Variants in LEKR1 observed in about 807,000 individuals in gnomAD.
The protein encoded by LEKR1 is protein LEKR1.
Under a neutral mutation model 72.4 loss-of-function variants are expected in LEKR1, and 59 were observed. That is an observed-to-expected ratio of 0.82 (90% confidence interval 0.66 to 1.01). The LOEUF (loss-of-function observed/expected upper bound fraction) is 1.01, where lower values mean the gene tolerates loss of function less well. Ranked by LOEUF, LEKR1 falls within the 50% of genes least tolerant of loss-of-function variation. The pLI is 0.00. For synonymous variants in LEKR1, 257 were observed against 263.2 expected (o/e 0.98, Z 0.23); for missense variants, 728 against 759.2 (o/e 0.96, Z 0.48).
At chr3:156,960,554 G>A (rs562700392) in intron 6 of LEKR1, among the ~76,000 whole-genome samples, 17 of 152,242 alleles carry the variant, frequency 1.1e-4, no homozygotes, top group Admixed American at 8.5e-4. Flanking sequence ...TCAAAGTACT[G>A]GGATTACAGG....
At chr3:157,028,610 G>C (rs1244133836) in intron 12 of LEKR1, among the ~76,000 whole-genome samples, 1 of 152,054 alleles carries the variant, frequency 6.6e-6, no homozygotes, top group Non-Finnish European at 1.5e-5. Context: ...CTCCAGACCT[G>C]GCTTTCCTGT....
At chr3:156,896,149 C>T (rs1404635491) in intron 3 of LEKR1, among the ~76,000 whole-genome samples, 1 of 152,018 alleles carries the variant, frequency 6.6e-6, no homozygotes, top group African/African-American at 2.4e-5. Context: ...TAAGAGGGAG[C>T]TGAACAATGA....
chr3:156,862,230 C>T (rs915392633), intron 3 of LEKR1, among the ~76,000 whole-genome samples: 5 of 151,894 alleles, frequency 3.3e-5, no homozygotes. Context: ...TTCTTTTTCT[C>T]CCAAAGCTTT....
intron 10 of LEKR1, among the ~76,000 whole-genome samples, chr3:157,016,011 T>C (rs1190801073): frequency 6.6e-6 from 1 of 151,896 alleles, no homozygotes; most frequent in Non-Finnish European, 1.5e-5. Context: ...AGAAAAACTT[T>C]TTAAATAAAA....
intron 6 of LEKR1, among the ~76,000 whole-genome samples, chr3:156,972,648 A>T (rs1019338662): frequency 6.6e-6 from 1 of 151,456 alleles, no homozygotes. Context: ...TAATATATAT[A>T]AGGACAAATA....
intron 3 of LEKR1, among the ~76,000 whole-genome samples, chr3:156,856,595 A>G (rs1716089041): frequency 1.3e-5 from 2 of 152,068 alleles, no homozygotes; most frequent in African/African-American, 2.4e-5. Flanking sequence ...TGGATTCCCC[A>G]TTTATTCAGA....
At chr3:156,982,858 GATAGATAGA>G (rs1560125714) in intron 7 of LEKR1, among the ~76,000 whole-genome samples, 8 of 62,918 alleles carry the variant, frequency 1.3e-4, no homozygotes, top group Non-Finnish European at 2.6e-4. Flanking sequence ...TGTGTGTGTA[GATAGATAGA>G]TAGATAGATA....
intron 3 of LEKR1, among the ~76,000 whole-genome samples, chr3:156,874,793 T>C (rs1426245819): frequency 6.6e-6 from 1 of 152,238 alleles, no homozygotes; most frequent in African/African-American, 2.4e-5. Flanking sequence ...AATATTTGGT[T>C]TTCCATTTCT....
chr3:156,969,258 G>A (rs1186180692), intron 6 of LEKR1, among the ~76,000 whole-genome samples: 1 of 151,922 alleles, frequency 6.6e-6, no homozygotes, highest in African/African-American at 2.4e-5. Context: ...CTAGCAGAAG[G>A]CAAGAAATAG....
intron 12 of LEKR1, among the ~76,000 whole-genome samples, chr3:157,035,838 G>A (rs574491172): frequency 1.9e-4 from 29 of 152,296 alleles, no homozygotes; most frequent in Admixed American, 3.9e-4. Flanking sequence ...GGTGGAGGTT[G>A]CAGTAGCGGA....
chr3:157,031,483 A>C (rs561230647), intron 12 of LEKR1, among the ~76,000 whole-genome samples: 2 of 152,280 alleles, frequency 1.3e-5, no homozygotes, highest in South Asian at 4.1e-4. Context: ...ATTCGAACTG[A>C]ACTGTAAGAG....
In LEKR1 at chr3:156,920,584, T is replaced by C. The variant is rs986461528; in HGVS notation, c.273T>C (p.Asp91=). 1.8e-5 allele frequency: 26 copies of C among 1,461,148 alleles called. No homozygotes were observed. Among genetic ancestry groups the C allele is most frequent in the Non-Finnish European group, 2.2e-5 (24 of 1,089,534 alleles). The allele number at this position is 1,461,148 out of a possible 1,614,324, so 90.5% of individuals were successfully genotyped here. The change falls in exon 4 of 13, where the codon GAT becomes GAC. Residue 91 remains aspartate, a synonymous_variant. Coordinates refer to ENST00000356539, the MANE Select transcript of LEKR1 (RefSeq NM_001004316.3). ...TTGTTTATATTTTTAGAATTTACGA[T>C]GTAGGCATGCAGTTAAAAAGTCAAC... ...DNKSKTERIY[D]VGMQLKSQQN...
At chr3:156,934,279 T>C (rs774587477) in intron 5 of LEKR1, among the ~76,000 whole-genome samples, 3 of 152,214 alleles carry the variant, frequency 2.0e-5, no homozygotes, top group African/African-American at 4.8e-5. Flanking sequence ...TTTAAGAGAA[T>C]TGAACCTGTC....
intron 6 of LEKR1, among the ~76,000 whole-genome samples, chr3:156,951,576 G>A (rs933166057): frequency 1.3e-5 from 2 of 151,578 alleles, no homozygotes; most frequent in Non-Finnish European, 3.0e-5. Flanking sequence ...TTTGTTCCTG[G>A]TTCAGTATTA....
At chr3:157,043,225 G>A (rs550721241) in intron 12 of LEKR1, among the ~76,000 whole-genome samples, 2 of 152,302 alleles carry the variant, frequency 1.3e-5, no homozygotes, top group Non-Finnish European at 2.9e-5. Context: ...GCAGAATCAT[G>A]AGCCAGTTGA....
At position 156,849,929 on chromosome 3, in the gene LEKR1, T is replaced by G. The variant is rs368475304; in HGVS notation, c.49-2839T>G. 5.9e-5 allele frequency among the ~76,000 whole-genome samples: 9 copies of G among 151,914 alleles called. No homozygotes were observed. The East Asian group carries it at 7.7e-4, about 13-fold the overall frequency. On this transcript the variant is annotated intron_variant, in intron 2 of 12. Transcript: ENST00000356539. ...AAATGGGATCTAATTAAACTAAAGA[T>G]CTTCTGCACAGCAAAAGAAACCACC... is the stretch of plus-strand genomic sequence containing the variant.
intron 3 of LEKR1, among the ~76,000 whole-genome samples, chr3:156,893,083 G>A (rs190477857): frequency 6.6e-6 from 1 of 152,334 alleles, no homozygotes; most frequent in Admixed American, 6.5e-5. Flanking sequence ...TGCCTTGGCT[G>A]TCAAGGGAGG....
intron 6 of LEKR1, among the ~76,000 whole-genome samples, chr3:156,951,891 A>G (rs1479619282): frequency 6.6e-6 from 1 of 151,272 alleles, no homozygotes; most frequent in African/African-American, 2.4e-5. Flanking sequence ...GTATTTTGCT[A>G]GCTTTGGGGT....
chr3:156,972,709 A>G (rs1729337020), intron 6 of LEKR1, among the ~76,000 whole-genome samples: 2 of 149,606 alleles, frequency 1.3e-5, no homozygotes, highest in South Asian at 4.2e-4. Flanking sequence ...ATAATATTAT[A>G]TTTTAATAAA....
Sources: gnomAD v4.1 joint callset for allele counts (sites outside exome capture counted in the v4.1 genomes callset) on GRCh38, gnomAD v4.1.1 for gene constraint, MANE v1.5 for transcripts, NCBI Gene and HGNC (gene_info 2026-07-23, HGNC 2026-07-21) for gene names.